Variants in ELMOD3 observed in about 807,000 individuals in gnomAD.
The protein encoded by ELMOD3 is ELMO domain-containing protein 3.
A neutral mutation model predicts 47.4 loss-of-function variants in ELMOD3; 36 were observed. The ratio of observed to expected loss-of-function variants is 0.76; its 90% CI spans 0.58 to 1.00. The LOEUF is 1.00. ELMOD3 is among the 50% of genes least tolerant of loss of function. The pLI, the probability that ELMOD3 is intolerant of heterozygous loss-of-function variation, is 0.00. For synonymous variants in ELMOD3, 149 were observed against 183.5 expected (o/e 0.81, Z 1.52); for missense variants, 404 against 463.8 (o/e 0.87, Z 1.18).
At chr2:85,385,966 C>T (rs1303695534) in intron 11 of ELMOD3, among the ~76,000 whole-genome samples, 1 of 152,122 alleles carries the variant, frequency 6.6e-6, no homozygotes, top group African/African-American at 2.4e-5. Context: ...CCTAGAGCCC[C>T]TGTTTCCTGA....
chr2:85,376,011 C>T lies in ELMOD3; in HGVS notation c.608-1333C>T, dbSNP rs1308666384. 6.6e-6 allele frequency among the ~76,000 whole-genome samples: 1 copy of T among 152,096 alleles called. No homozygotes were observed. The highest frequency in any genetic ancestry group is 1.5e-5 in the Non-Finnish European group (1 of 68,022). Reference sequence around the variant, plus strand: ...CACCCAGACAGTCCAGGATCATCTCCCTCTCTGCTGATCAGCAACCTTAAT... The same window carrying T: ...CACCCAGACAGTCCAGGATCATCTCTCTCTCTGCTGATCAGCAACCTTAAT... On this transcript the variant is annotated intron_variant, in intron 10 of 13. Transcript: ENST00000409013. The surrounding 1 kb of genome is among the most constrained non-coding windows in gnomAD (Gnocchi z 4.2).
intron 11 of ELMOD3, among the ~76,000 whole-genome samples, chr2:85,385,069 G>T (rs1366367544): frequency 6.6e-6 from 1 of 152,140 alleles, no homozygotes; most frequent in Non-Finnish European, 1.5e-5. Context: ...GGGTGGTCAG[G>T]GTAGCTGTCA....
intron 6 of ELMOD3, among the ~76,000 whole-genome samples, chr2:85,365,358 AT>A (rs1024526828): frequency 4.7e-5 from 7 of 150,494 alleles, no homozygotes; most frequent in Non-Finnish European, 5.9e-5. Flanking sequence ...TCAAAAAAAA[AT>A]ATATATATAA....
At chr2:85,365,173 G>A (rs1684290639) in intron 6 of ELMOD3, among the ~76,000 whole-genome samples, 3 of 149,964 alleles carry the variant, frequency 2.0e-5, no homozygotes, top group Non-Finnish European at 3.0e-5. Flanking sequence ...GGTGGCCCAC[G>A]CCTGTAATCC....
intron 7 of ELMOD3, 100 bp downstream of exon 7, chr2:85,368,854 T>C (rs1011798830): frequency 1.6e-5 from 20 of 1,253,702 alleles, no homozygotes; most frequent in Middle Eastern, 4.9e-4. Flanking sequence ...GACTAGGAGA[T>C]AGAATTCCTG....
chr2:85,360,221 G>T lies in ELMOD3; in HGVS notation c.55-1965G>T, dbSNP rs190303529. ...GCATAGGTTGAGGTGAGCCGAGATT[G>T]CACCATTGCACTCCAGCCTGGGCAA... On this transcript the variant is annotated intron_variant, in intron 4 of 13. Coordinates refer to ENST00000409013, the MANE Select transcript of ELMOD3 (RefSeq NM_001135022.2). Among the ~76,000 whole-genome samples the T allele has an allele frequency of 6.8e-4, 87 of 128,840 alleles. No homozygotes were observed. The East Asian group carries it at 0.019, about 28-fold the overall frequency. The allele number at this position is 128,840 out of a possible 152,430, so 84.5% of individuals were successfully genotyped here.
chr2:85,382,939 GA>G (rs58812415), intron 11 of ELMOD3, among the ~76,000 whole-genome samples: 51,966 of 118,414 alleles, frequency 0.44, 9,889 homozygotes, highest in African/African-American at 0.57. Flanking sequence ...CCAGAAGCAG[GA>G]AAAAAAAAAA....
intron 4 of ELMOD3, among the ~76,000 whole-genome samples, chr2:85,361,668 G>A (rs1328818748): frequency 6.6e-6 from 1 of 152,134 alleles, no homozygotes; most frequent in East Asian, 1.9e-4. Flanking sequence ...GGTGGCTCAC[G>A]CCTGTAATCT....
intron 6 of ELMOD3, among the ~76,000 whole-genome samples, chr2:85,366,660 A>G (rs76067322): frequency 0.011 from 1,735 of 152,358 alleles, 27 homozygotes; most frequent in African/African-American, 0.039. Context: ...AGAGGCAGAG[A>G]TGAAGCATTC....
At chr2:85,366,199 G>A (rs992734143) in intron 6 of ELMOD3, among the ~76,000 whole-genome samples, 3 of 147,714 alleles carry the variant, frequency 2.0e-5, no homozygotes, top group East Asian at 2.0e-4. Flanking sequence ...TCAAACTCCT[G>A]ACCTCAGGTG....
At chr2:85,387,113 G>T in intron 11 of ELMOD3, 1 of 1,300,998 alleles carries the variant, frequency 7.7e-7, no homozygotes, top group Non-Finnish European at 1.0e-6. Context: ...AAGAAATCAA[G>T]GGAAGGGATG....
intron 11 of ELMOD3, among the ~76,000 whole-genome samples, chr2:85,388,590 G>A (rs1686095265): frequency 6.6e-6 from 1 of 152,158 alleles, no homozygotes; most frequent in Non-Finnish European, 1.5e-5. Flanking sequence ...AAGACCCTGA[G>A]AAAAATCTCT....
intron 6 of ELMOD3, among the ~76,000 whole-genome samples, chr2:85,365,899 G>A (rs551359974): frequency 6.6e-6 from 1 of 152,012 alleles, no homozygotes; most frequent in Non-Finnish European, 1.5e-5. Context: ...GAAGGTAAGA[G>A]GGTGAAGGAT....
At position 85,390,840 on chromosome 2, in the gene ELMOD3, C is replaced by T; in HGVS notation, c.1024C>T (p.Gln342Ter). 2 of 1,551,670 alleles carry T rather than the reference C, an allele frequency of 1.3e-6. No individual in the cohort carries two copies. The highest frequency in any genetic ancestry group is 1.7e-6 in the Non-Finnish European group (2 of 1,146,998). The change falls in exon 14 of 14, where the codon CAG becomes TAG. Residue 342 changes from glutamine (Q) to a stop codon, truncating the protein, a stop_gained. Transcript: ENST00000409013. LOFTEE classifies it low-confidence loss of function (END_TRUNC). ...GTACTTGGCCAGGGTGTCAAAGGGACAGGCCTCCTTGTTGGGAGCACAGAA... is the reference window on the plus strand; with the variant it reads ...GTACTTGGCCAGGGTGTCAAAGGGATAGGCCTCCTTGTTGGGAGCACAGAA... Reference protein sequence around the residue: ...ELYLARVSKGQASLLGAQKCY... With the variant: ...ELYLARVSKG
chr2:85,378,082 C>T (rs6731111), intron 11 of ELMOD3, among the ~76,000 whole-genome samples: 100,168 of 152,154 alleles, frequency 0.66, 33,767 homozygotes, highest in African/African-American at 0.79. Context: ...TTGCTTGGAC[C>T]AGTATAAGCA....
Position 85,389,557 on chromosome 2 carries a change from A to G in ELMOD3, c.739-194A>G, listed in dbSNP as rs1471168838. 5 of 605,940 alleles carry G rather than the reference A, an allele frequency of 8.3e-6. No individual in the cohort carries two copies. The East Asian group carries it at 1.4e-4, about 17-fold the overall frequency. The allele number at this position is 605,940 out of a possible 1,614,324, so 37.5% of individuals were successfully genotyped here. A position where few individuals can be genotyped will look rare whatever the true frequency, so the allele number is the denominator to read the frequency against. ...CTGGTTCCCATGCCTTAGGAAAGTT[A>G]CTAAAGGTCACTGAGCCTTAGTTCC... On this transcript the variant is annotated intron_variant, in intron 11 of 13. Coordinates refer to ENST00000409013, the MANE Select transcript of ELMOD3 (RefSeq NM_001135022.2).
At chr2:85,361,681 G>T (rs1468285340) in intron 4 of ELMOD3, among the ~76,000 whole-genome samples, 1 of 152,162 alleles carries the variant, frequency 6.6e-6, no homozygotes, top group Non-Finnish European at 1.5e-5. Context: ...TGTAATCTCA[G>T]CACTTTGGGA....
intron 10 of ELMOD3, among the ~76,000 whole-genome samples, chr2:85,373,523 A>G (rs72840084): frequency 0.096 from 14,595 of 152,098 alleles, 751 homozygotes; most frequent in South Asian, 0.16. Context: ...TGCAATATAC[A>G]TAATTTCTGA....
chr2:85,361,322 A>G (rs1683941822), intron 4 of ELMOD3, among the ~76,000 whole-genome samples: 1 of 152,224 alleles, frequency 6.6e-6, no homozygotes, highest in Non-Finnish European at 1.5e-5. Context: ...GAGCCAGGAA[A>G]TCGGTATAAA....
Sources: gnomAD v4.1 joint callset for allele counts (sites outside exome capture counted in the v4.1 genomes callset) on GRCh38, gnomAD v4.1.1 for gene constraint, Gnocchi (gnomAD v3.1) non-coding constraint, MANE v1.5 for transcripts, NCBI Gene and HGNC (gene_info 2026-07-23, HGNC 2026-07-21) for gene names.